The following CHCHD2 variants were observed in gnomAD, a reference collection of about 807,000 sequenced individuals.
The protein encoded by CHCHD2 is coiled-coil-helix-coiled-coil-helix domain containing 2.
A neutral mutation model predicts 17.5 loss-of-function variants in CHCHD2; 17 were observed. The ratio of observed to expected loss-of-function variants is 0.97; its 90% confidence interval spans 0.67 to 1.46. The LOEUF (loss-of-function observed/expected upper bound fraction) is 1.46, where lower values mean the gene tolerates loss of function less well. CHCHD2 is among the 40% of genes most tolerant of loss of function. The pLI, the probability that CHCHD2 is intolerant of heterozygous loss-of-function variation, is 0.00. For synonymous variants in CHCHD2, 63 were observed against 74.3 expected, an observed-to-expected ratio of 0.85 and a Z score of 0.78; for missense variants, 175 against 199.9, an observed-to-expected ratio of 0.88 and a Z score of 0.75.
At position 56,104,169 on chromosome 7, in the gene CHCHD2, G is replaced by A. The variant is rs553139628; in HGVS notation, c.300+57C>T. The A allele has an allele frequency of 4.4e-6, 7 of 1,594,040 alleles. No individual in the cohort carries two copies. The East Asian group carries it at 6.8e-5, about 15-fold the overall frequency. On this transcript the variant is annotated intron_variant, in intron 2 of 3. Transcript: ENST00000395422. The stretch of plus-strand genomic sequence containing the variant: ...TCCTACACTTAAGGAACTTACAAAC[G>A]TCTGGCTTTTCTCATAAAATCCACC...
At chr7:56,103,109 GA>G (rs1785319109) in intron 2 of CHCHD2, 98 bp from the exon 3 acceptor site, 1 of 1,208,732 alleles carries the variant, frequency 8.3e-7, no homozygotes, top group South Asian at 1.3e-5. Context: ...ATGGAAAATG[GA>G]ACTAGCACCA....
chr7:56,105,221 T>C (rs962533308), intron 1 of CHCHD2, among the ~76,000 whole-genome samples: 28 of 152,312 alleles, frequency 1.8e-4, no homozygotes, highest in Admixed American at 1.8e-3. Flanking sequence ...ACTTTAATCT[T>C]TTCTTATAAT....
intron 1 of CHCHD2, among the ~76,000 whole-genome samples, chr7:56,105,662 A>G (rs993928214): frequency 1.3e-5 from 2 of 152,192 alleles, no homozygotes; most frequent in African/African-American, 2.4e-5. Context: ...CAGGTGGCGC[A>G]TGCCTGTAGT....
At chr7:56,102,570 G>C in intron 3 of CHCHD2, 1 of 270,734 alleles carries the variant, frequency 3.7e-6, no homozygotes. Context: ...GTTTTGCCAT[G>C]TTGGCCAGGC....
chr7:56,106,305 A>T, intron 1 of CHCHD2, 59 bp downstream of exon 1: 1 of 1,538,054 alleles, frequency 6.5e-7, no homozygotes, highest in East Asian at 2.4e-5. Context: ...CCTCTGCGTC[A>T]TTGCCCCAGT....
intron 2 of CHCHD2, among the ~76,000 whole-genome samples, chr7:56,103,642 C>A (rs1179169986): frequency 6.6e-6 from 1 of 152,076 alleles, no homozygotes; most frequent in Non-Finnish European, 1.5e-5. Flanking sequence ...TAACAAAATT[C>A]CAATTACAAC....
rs1272816132 is a variant in CHCHD2 at position 56,102,746 on chromosome 7, A to T, written c.445+121T>A. 8 of 1,043,716 alleles carry T rather than the reference A, an allele frequency of 7.7e-6. No homozygotes were observed. The Admixed American group carries it at 1.7e-4, about 22-fold the overall frequency. The allele number at this position is 1,043,716 out of a possible 1,614,324, so 64.7% of individuals were successfully genotyped here. Reference sequence around the variant, plus strand: ...ACCTCCGGCCCAGTTGTTAGGAGTTAATTCTAGAGAAATTTCAACAAAGTC... The same window carrying T: ...ACCTCCGGCCCAGTTGTTAGGAGTTTATTCTAGAGAAATTTCAACAAAGTC... On this transcript the variant is annotated intron_variant, in intron 3 of 3. Transcript: ENST00000395422.
intron 3 of CHCHD2, chr7:56,102,551 A>G: frequency 4.3e-6 from 1 of 233,184 alleles, no homozygotes. Context: ...TATTTTTAGT[A>G]CAGATGGGGT....
intron 2 of CHCHD2, among the ~76,000 whole-genome samples, chr7:56,103,572 G>A (rs1785324702): frequency 6.6e-6 from 1 of 152,212 alleles, no homozygotes; most frequent in Non-Finnish European, 1.5e-5. Flanking sequence ...GGGATTATAG[G>A]CATGAGCCTC....
chr7:56,105,297 C>G (rs564360159), intron 1 of CHCHD2, among the ~76,000 whole-genome samples: 1 of 152,282 alleles, frequency 6.6e-6, no homozygotes, highest in Middle Eastern at 3.4e-3. Flanking sequence ...ATTCGGATAG[C>G]CCACAGTATC....
chr7:56,102,853 G>T lies in CHCHD2; in HGVS notation c.445+14C>A. On this transcript the variant is annotated intron_variant, in intron 3 of 3. Transcript: ENST00000395422. ...CTGTGAATTAAGCAGATGTAAATTG[G>T]ACAAATTACCTACCGTTTGCAAGTC... 6.2e-7 allele frequency: 1 copy of T among 1,613,548 alleles called. No individual in the cohort carries two copies. The highest frequency in any genetic ancestry group is 8.5e-7 in the Non-Finnish European group (1 of 1,179,594).
Position 56,104,262 on chromosome 7 carries a change from A to G in CHCHD2, c.264T>C (p.Ser88=), listed in dbSNP as rs1785340599. Residue 88 remains serine (S), a synonymous_variant, in exon 2 of 4, where the codon AGT becomes AGC. Coordinates refer to ENST00000395422, the MANE Select transcript of CHCHD2 (RefSeq NM_016139.4). ...HAITGGFSGG[S]NAEPARPDIT... ...TGTCAGGCCTCGCAGGCTCAGCATT[A>G]CTTCCTCCACTGAAGCCCCCAGTAA... is the stretch of plus-strand genomic sequence containing the variant. 3.7e-6 allele frequency: 6 copies of G among 1,613,546 alleles called. No homozygotes were observed. The Admixed American group carries it at 5.0e-5, about 13-fold the overall frequency.
intron 3 of CHCHD2, among the ~76,000 whole-genome samples, chr7:56,102,202 G>GAGGTAC (rs1215739446): frequency 2.0e-5 from 3 of 152,108 alleles, no homozygotes; most frequent in African/African-American, 7.2e-5. Context: ...TTCACTCAAT[G>GAGGTAC]AGGTACAGAT....
intron 1 of CHCHD2, among the ~76,000 whole-genome samples, chr7:56,105,703 A>G (rs979605477): frequency 3.9e-5 from 6 of 152,234 alleles, no homozygotes; most frequent in Non-Finnish European, 5.9e-5. Context: ...ACGTGGTAGA[A>G]TAGCTTGAGC....
In CHCHD2 at chr7:56,102,855, CA is replaced by C; in HGVS notation, c.445+11del. 2.5e-6 allele frequency: 4 copies of C among 1,613,806 alleles called. No individual in the cohort carries two copies. Among genetic ancestry groups the C allele is most frequent in the Non-Finnish European group, 3.4e-6 (4 of 1,179,788 alleles). ...GTGAATTAAGCAGATGTAAATTGGA[CA>C]AATTACCTACCGTTTGCAAGTCGGC... On this transcript the variant is annotated intron_variant, in intron 3 of 3. Transcript: ENST00000395422.
chr7:56,102,793 G>A, intron 3 of CHCHD2, 74 bp downstream of exon 3: 1 of 1,498,108 alleles, frequency 6.7e-7, no homozygotes, highest in Non-Finnish European at 9.3e-7. Flanking sequence ...ATTAAACACA[G>A]ATTACCCTAA....
chr7:56,101,673 T>G lies in CHCHD2; in HGVS notation c.*178A>C. The stretch of plus-strand genomic sequence containing the variant: ...ACACAAACATTTGCCCAGTCCCAGA[T>G]TCTACAGAGTAGGGACACCCCCACT... On this transcript the variant is annotated 3_prime_UTR_variant, in exon 4 of 4. Transcript: ENST00000395422. 1 of 570,708 alleles carries G rather than the reference T, an allele frequency of 1.8e-6. No individual in the cohort carries two copies. The allele number at this position is 570,708 out of a possible 1,614,324, so 35.4% of individuals were successfully genotyped here. A position where few individuals can be genotyped will look rare whatever the true frequency, so the allele number is the denominator to read the frequency against.
At chr7:56,104,108 A>G (rs1269598553) in intron 2 of CHCHD2, 118 bp downstream of exon 2, 3 of 1,365,678 alleles carry the variant, frequency 2.2e-6, no homozygotes, top group South Asian at 1.3e-5. Flanking sequence ...CCCATTGTCT[A>G]TTAACAGCAC....
rs148884734 is a variant in CHCHD2 at position 56,101,665 on chromosome 7, G to A, written c.*186C>T. 509 of 553,012 alleles carry A rather than the reference G, an allele frequency of 9.2e-4. 3 individuals are homozygous for A. Among genetic ancestry groups the A allele is most frequent in the African/African-American group, 8.6e-3 (447 of 51,696 alleles). The allele number at this position is 553,012 out of a possible 1,614,324, so 34.3% of individuals were successfully genotyped here. ...AGGAGGCCACACAAACATTTGCCCA[G>A]TCCCAGATTCTACAGAGTAGGGACA... On this transcript the variant is annotated 3_prime_UTR_variant, in exon 4 of 4. Coordinates refer to ENST00000395422, the MANE Select transcript of CHCHD2 (RefSeq NM_016139.4).
Sources: gnomAD v4.1 joint callset for allele counts (sites outside exome capture counted in the v4.1 genomes callset) on GRCh38, gnomAD v4.1.1 for gene constraint, MANE v1.5 for transcripts, NCBI Gene and HGNC (gene_info 2026-07-23, HGNC 2026-07-21) for gene names.